NRG3: variants seen among roughly 807,000 people sequenced by gnomAD.
The protein encoded by NRG3 is neuregulin 3, also known as pro-neuregulin-3, membrane-bound isoform.
A neutral mutation model predicts 66.9 loss-of-function variants in NRG3; 31 were observed. That is an observed-to-expected ratio of 0.46 (90% CI 0.35 to 0.63). The LOEUF (loss-of-function observed/expected upper bound fraction) is 0.63. NRG3 is among the 20% of genes least tolerant of loss of function. The pLI is 0.00. For synonymous variants in NRG3, 393 were observed against 359.4 expected (o/e 1.09, Z -1.06); for missense variants, 910 against 878.9 (o/e 1.04, Z -0.45).
At chr10:82,862,234 G>A (rs569465625) in intron 3 of NRG3, among the ~76,000 whole-genome samples, 1 of 152,222 alleles carries the variant, frequency 6.6e-6, no homozygotes, top group Admixed American at 6.5e-5. Flanking sequence ...GTATGGGCTT[G>A]GGGAAGAGAA....
At position 82,232,757 on chromosome 10, in the gene NRG3, G is replaced by A. The variant is rs1481835992; in HGVS notation, c.824-125982G>A. The stretch of plus-strand genomic sequence containing the variant: ...CTACTCACAGGTCCTAGAGACAGGA[G>A]GCATGCCATACATGGCAACATGGGG... On this transcript the variant is annotated intron_variant, in intron 1 of 8. Coordinates refer to ENST00000372141, the MANE Select transcript of NRG3 (RefSeq NM_001010848.4). 4.2e-6 allele frequency: 3 copies of A among 717,298 alleles called. No homozygotes were observed. In the South Asian group the frequency reaches 4.4e-5, roughly 11 times the overall value. 44.4% of individuals were successfully genotyped at this position (717,298 alleles called of 1,614,324 possible). A position where few individuals can be genotyped will look rare whatever the true frequency, so the allele number is the denominator to read the frequency against.
At chr10:82,908,990 C>CTCAGCGACTGGAGCTGTGG (rs1591916693) in intron 4 of NRG3, among the ~76,000 whole-genome samples, 2 of 152,084 alleles carry the variant, frequency 1.3e-5, no homozygotes, top group Non-Finnish European at 1.5e-5. Flanking sequence ...ACACCACGCC[C>CTCAGCGACTGGAGCTGTGG]CAGATGACTG....
chr10:82,708,911 G>C (rs751570917), intron 2 of NRG3, among the ~76,000 whole-genome samples: 4 of 151,608 alleles, frequency 2.6e-5, no homozygotes, highest in African/African-American at 9.7e-5. Flanking sequence ...ACTTTTCTTG[G>C]TGCTCATATA....
intron 1 of NRG3, among the ~76,000 whole-genome samples, chr10:81,973,139 C>T (rs2059991708): frequency 6.6e-6 from 1 of 152,046 alleles, no homozygotes; most frequent in African/African-American, 2.4e-5. Flanking sequence ...TTAGCTTCCA[C>T]ATATAGGTGA....
intron 1 of NRG3, among the ~76,000 whole-genome samples, chr10:81,888,001 A>T (rs2132532039): frequency 6.6e-6 from 1 of 152,296 alleles, no homozygotes; most frequent in South Asian, 2.1e-4. Flanking sequence ...TTGAAAAAAT[A>T]AGAGAAAACT....
intron 1 of NRG3, among the ~76,000 whole-genome samples, chr10:82,306,360 C>A (rs575978208): frequency 6.6e-6 from 1 of 152,172 alleles, no homozygotes; most frequent in South Asian, 2.1e-4. Flanking sequence ...AAAAAGTGTT[C>A]TTTTATAGTC....
At chr10:82,324,350 T>C (rs996836891) in intron 1 of NRG3, among the ~76,000 whole-genome samples, 2 of 152,200 alleles carry the variant, frequency 1.3e-5, no homozygotes, top group Non-Finnish European at 2.9e-5. Flanking sequence ...ATTTTATTAA[T>C]GTTCTCAAAG....
At chr10:82,183,076 TTA>T (rs1466115651) in intron 1 of NRG3, among the ~76,000 whole-genome samples, 2 of 152,000 alleles carry the variant, frequency 1.3e-5, no homozygotes, top group Non-Finnish European at 2.9e-5. Context: ...GACAGTTAGA[TTA>T]TATGTGTCAG....
chr10:82,951,312 A>T, intron 4 of NRG3, 157 bp from the exon 5 acceptor site: 1 of 582,762 alleles, frequency 1.7e-6, no homozygotes, highest in Non-Finnish European at 3.1e-6. Context: ...TTGCAAAGTA[A>T]TTGAATCATA....
intron 4 of NRG3, among the ~76,000 whole-genome samples, chr10:82,934,409 G>A (rs1043878624): frequency 6.6e-6 from 1 of 152,144 alleles, no homozygotes; most frequent in Non-Finnish European, 1.5e-5. Context: ...TCACCTTGTG[G>A]GTCATGTATG....
intron 2 of NRG3, among the ~76,000 whole-genome samples, chr10:82,429,289 T>C (rs2089646398): frequency 6.6e-6 from 1 of 152,098 alleles, no homozygotes; most frequent in Non-Finnish European, 1.5e-5. Flanking sequence ...CTATGTACTT[T>C]AACTAGTGCT....
chr10:82,343,191 A>C (rs2082773887), intron 1 of NRG3, among the ~76,000 whole-genome samples: 2 of 152,160 alleles, frequency 1.3e-5, no homozygotes, highest in African/African-American at 4.8e-5. Flanking sequence ...GAGAACTGAT[A>C]AATGATTTCA....
intron 2 of NRG3, among the ~76,000 whole-genome samples, chr10:82,480,758 C>T (rs1842203951): frequency 6.6e-6 from 1 of 152,320 alleles, no homozygotes. Context: ...AAAGCTTCTG[C>T]ACAGATATAC....
chr10:82,042,658 A>C (rs1222583995), intron 1 of NRG3, among the ~76,000 whole-genome samples: 2 of 152,078 alleles, frequency 1.3e-5, no homozygotes, highest in Non-Finnish European at 2.9e-5. Context: ...AGGATGGTTC[A>C]TTGTGGTTAA....
intron 2 of NRG3, among the ~76,000 whole-genome samples, chr10:82,552,834 G>A (rs187186169): frequency 1.3e-5 from 2 of 152,254 alleles, no homozygotes; most frequent in Admixed American, 1.3e-4. Flanking sequence ...AAAACATATA[G>A]TATATGTGCC....
intron 1 of NRG3, among the ~76,000 whole-genome samples, chr10:82,332,376 G>A (rs901429609): frequency 2.0e-5 from 3 of 152,054 alleles, no homozygotes; most frequent in East Asian, 1.9e-4. Context: ...AATGGGGAGC[G>A]GACAGTTTCT....
chr10:82,635,941 GT>G (rs1368827710), intron 2 of NRG3, among the ~76,000 whole-genome samples: 2 of 152,084 alleles, frequency 1.3e-5, no homozygotes, highest in Non-Finnish European at 2.9e-5. Flanking sequence ...GTTGAAGTGG[GT>G]ATGGGGGTGT....
At chr10:82,698,623 T>G (rs1339056995) in intron 2 of NRG3, among the ~76,000 whole-genome samples, 1 of 152,158 alleles carries the variant, frequency 6.6e-6, no homozygotes, top group Non-Finnish European at 1.5e-5. Context: ...CAGATTCAAG[T>G]CTTAGCTCTA....
chr10:82,135,753 G>A (rs2069295043), intron 1 of NRG3, among the ~76,000 whole-genome samples: 1 of 151,950 alleles, frequency 6.6e-6, no homozygotes, highest in Non-Finnish European at 1.5e-5. Flanking sequence ...GTATTTTCTT[G>A]AATTTTGTCA....
Sources: gnomAD v4.1 joint callset for allele counts (sites outside exome capture counted in the v4.1 genomes callset) on GRCh38, gnomAD v4.1.1 for gene constraint, MANE v1.5 for transcripts, NCBI Gene and HGNC (gene_info 2026-07-23, HGNC 2026-07-21) for gene names.